The following STOX2 variants were observed in gnomAD, a reference collection of about 807,000 sequenced individuals.
STOX2 encodes storkhead box 2.
In STOX2, 28 loss-of-function variants were observed where a neutral mutation model predicts 60.9. The ratio of observed to expected loss-of-function variants is 0.46; its 90% CI spans 0.34 to 0.63. The LOEUF is 0.63. Ranked by LOEUF, STOX2 falls within the 30% of genes least tolerant of loss-of-function variation. STOX2 has a pLI of 0.01. For missense variants in STOX2, 1,024 were observed against 1,187.7 expected (o/e 0.86, Z 2.03); for synonymous variants, 472 against 463.9 (o/e 1.02, Z -0.22).
Position 184,010,427 on chromosome 4 carries a change from A to G in STOX2, c.1589A>G (p.Asp530Gly). Residue 530 changes from aspartate (D) to glycine (G), a missense_variant, in exon 3 of 4, where the codon GAC becomes GGC. Physicochemically the swap from Asp to Gly is moderately conservative, Grantham distance 94 (BLOSUM62 -1). Around this residue, in one of 3 missense-constraint regions of STOX2, gnomAD observed 922 missense variants for 1,058.3 expected, o/e 0.87. Coordinates refer to ENST00000308497, the MANE Select transcript of STOX2 (RefSeq NM_020225.3). This position sits in a 1 kb window ranked among gnomAD's most constrained non-coding sequence, Gnocchi z 4.5. ...ACCCCCAGCCAATCCTACATTGACG[A>G]CAGTACTTTAAGGCCTGCACAGACC... ...DQTPSQSYID[D>G]STLRPAQTVS... 3 of 1,613,892 alleles carry G rather than the reference A, an allele frequency of 1.9e-6. No homozygotes were observed. Among genetic ancestry groups the G allele is most frequent in the Non-Finnish European group, 2.5e-6 (3 of 1,179,856 alleles).
chr4:184,006,367 G>A (rs1213555922), intron 2 of STOX2, among the ~76,000 whole-genome samples: 1 of 152,062 alleles, frequency 6.6e-6, no homozygotes, highest in Non-Finnish European at 1.5e-5. Flanking sequence ...AATGACAGTG[G>A]GCATCATTCC....
At position 183,825,031 on chromosome 4, in the gene STOX2, C is replaced by T. The variant is rs146649052; in HGVS notation, c.364+26976C>T. 6.6e-6 allele frequency among the ~76,000 whole-genome samples: 1 copy of T among 152,312 alleles called. No individual in the cohort carries two copies. The highest frequency in any genetic ancestry group is 1.9e-4 in the East Asian group (1 of 5,184). ...CATGTCCCCTATCTCCTCACACAAT[C>T]TTGGGCTTGGGGATCGGGGAGGAAC... On this transcript the variant is annotated intron_variant, in intron 1 of 2. Transcript: ENST00000513034. The surrounding 1 kb of genome is among the most constrained non-coding windows in gnomAD (Gnocchi z 4.1).
At chr4:183,833,695 G>A (rs1376676193) in intron 1 of STOX2, among the ~76,000 whole-genome samples, 1 of 151,350 alleles carries the variant, frequency 6.6e-6, no homozygotes, top group African/African-American at 2.4e-5. Context: ...GAAAGAATGT[G>A]AGAAGGGCCG....
In STOX2 at chr4:183,983,934, G is replaced by A. The variant is rs116215175; in HGVS notation, c.167-17391G>A. ...GCTGGGATTACAGGCATGAGCCACC[G>A]TGCGCCATGTTCTGAATCTGACCTT... On this transcript the variant is annotated intron_variant, in intron 1 of 3. Coordinates refer to ENST00000308497, the MANE Select transcript of STOX2 (RefSeq NM_020225.3). Among the ~76,000 whole-genome samples, 460 of 152,142 alleles carry A rather than the reference G, an allele frequency of 3.0e-3. 2 individuals are homozygous for A. The highest frequency in any genetic ancestry group is 0.011 in the African/African-American group (441 of 41,516).
intron 1 of STOX2, among the ~76,000 whole-genome samples, chr4:183,873,593 C>T (rs953092797): frequency 1.3e-5 from 2 of 152,152 alleles, no homozygotes; most frequent in African/African-American, 2.4e-5. Context: ...TCCTGGAGCA[C>T]TGTGCTGGGG....
At chr4:183,918,506 G>A (rs1302893022) in intron 1 of STOX2, among the ~76,000 whole-genome samples, 1 of 152,246 alleles carries the variant, frequency 6.6e-6, no homozygotes, top group Non-Finnish European at 1.5e-5. Context: ...GAGTTCAGCT[G>A]CGTGTTTATG....
At chr4:183,837,263 A>G in intron 1 of STOX2, among the ~76,000 whole-genome samples, 1 of 152,198 alleles carries the variant, frequency 6.6e-6, no homozygotes, top group Non-Finnish European at 1.5e-5. Flanking sequence ...GTAACATTAA[A>G]TACATTCACA....
Position 183,982,498 on chromosome 4 carries a change from T to TA in STOX2, c.167-18820dup, listed in dbSNP as rs577748388. Among the ~76,000 whole-genome samples, 67 of 152,344 alleles carry TA rather than the reference T, an allele frequency of 4.4e-4. No homozygotes were observed. In the East Asian group the frequency reaches 0.013, roughly 28 times the overall value. On this transcript the variant is annotated intron_variant, in intron 1 of 3. Coordinates refer to ENST00000308497, the MANE Select transcript of STOX2 (RefSeq NM_020225.3). ...TGAGTTTTTAATTTGTGTCTTTTTT[T>TA]AAAAAAATCAATTTTATGCAACTAA...
intron 1 of STOX2, among the ~76,000 whole-genome samples, chr4:183,800,325 G>A (rs1218793105): frequency 2.6e-5 from 4 of 152,130 alleles, no homozygotes; most frequent in African/African-American, 7.2e-5. Flanking sequence ...CGGGGGGCCG[G>A]GGCGGTGATA....
At chr4:183,819,210 TTG>T (rs1190731243) in intron 1 of STOX2, among the ~76,000 whole-genome samples, 1 of 151,100 alleles carries the variant, frequency 6.6e-6, no homozygotes, top group Non-Finnish European at 1.5e-5. Context: ...GAGGTGGAGG[TTG>T]TAGAGAGCCG....
Position 183,949,131 on chromosome 4 carries a change from G to A in STOX2, c.166+42175G>A, listed in dbSNP as rs542664592. Reference sequence around the variant, plus strand: ...GAAATTGAAGCTATTGGTATAATAGGTGGGGAAAGCAGTGTTCACAACCAC... The same window carrying A: ...GAAATTGAAGCTATTGGTATAATAGATGGGGAAAGCAGTGTTCACAACCAC... On this transcript the variant is annotated intron_variant, in intron 1 of 3. Coordinates refer to ENST00000308497, the MANE Select transcript of STOX2 (RefSeq NM_020225.3). Among the ~76,000 whole-genome samples, 3 of 152,126 alleles carry A rather than the reference G, an allele frequency of 2.0e-5. No individual in the cohort carries two copies. In the Middle Eastern group the frequency reaches 0.01, roughly 517 times the overall value.
rs925278857 is a variant in STOX2, at chr4:183,814,288, A to G, written c.364+16233A>G. Among the ~76,000 whole-genome samples, 6 of 152,354 alleles carry G rather than the reference A, an allele frequency of 3.9e-5. No individual in the cohort carries two copies. The East Asian group carries it at 1.2e-3, about 29-fold the overall frequency. On this transcript the variant is annotated intron_variant, in intron 1 of 2. Transcript: ENST00000513034. ...TTAGAAACACATGGAATATTTCACAACAATACAAATTAGAACAGAATCTTA... is the reference window on the plus strand; with the variant it reads ...TTAGAAACACATGGAATATTTCACAGCAATACAAATTAGAACAGAATCTTA...
At chr4:183,960,454 A>G (rs1243651095) in intron 1 of STOX2, among the ~76,000 whole-genome samples, 1 of 152,206 alleles carries the variant, frequency 6.6e-6, no homozygotes, top group East Asian at 1.9e-4. Context: ...TATTATAGAT[A>G]ACTTAACACG....
chr4:184,006,271 G>A (rs10011577), intron 2 of STOX2, among the ~76,000 whole-genome samples: 106,078 of 151,980 alleles, frequency 0.7, 39,122 homozygotes, highest in Non-Finnish European at 0.83. Context: ...GAAAAAGTTT[G>A]TCACATTGTT....
At chr4:183,951,362 A>G (rs1408855641) in intron 1 of STOX2, among the ~76,000 whole-genome samples, 1 of 151,572 alleles carries the variant, frequency 6.6e-6, no homozygotes, top group African/African-American at 2.4e-5. Context: ...GAGCAAGACT[A>G]GAGAGAGGAA....
rs550491430 is a variant in STOX2, at chr4:183,856,934, G to C, written c.364+58879G>C. ...TCTGTGGCATCTGACTGAGGAGAGA[G>C]GACATGTGAAGAGGCAGGGAGGGAG... On this transcript the variant is annotated intron_variant, in intron 1 of 2. Transcript: ENST00000513034. This position sits in a 1 kb window ranked among gnomAD's most constrained non-coding sequence, Gnocchi z 4.0. Among the ~76,000 whole-genome samples the C allele has an allele frequency of 1.3e-5, 2 of 152,166 alleles. No homozygotes were observed. The highest frequency in any genetic ancestry group is 2.9e-5 in the Non-Finnish European group (2 of 68,032).
chr4:183,950,041 G>A (rs371941862), intron 1 of STOX2, among the ~76,000 whole-genome samples: 2 of 152,154 alleles, frequency 1.3e-5, no homozygotes, highest in African/African-American at 4.8e-5. Context: ...TCTCACTATT[G>A]TACAGCATTT....
rs557064910 is a variant in STOX2, at chr4:183,818,303, C to G, written c.364+20248C>G. On this transcript the variant is annotated intron_variant, in intron 1 of 2. Coordinates refer to the STOX2 transcript ENST00000513034. The stretch of plus-strand genomic sequence containing the variant: ...ATTAGGGAGTGGTGATGACTCTTAA[C>G]GAGCATGCTGCCTTCAAGCATCTGT... 4.7e-3 allele frequency among the ~76,000 whole-genome samples: 721 copies of G among 151,818 alleles called. 1 individual carries two copies. The highest frequency in any genetic ancestry group is 0.015 in the African/African-American group (627 of 41,222).
intron 1 of STOX2, among the ~76,000 whole-genome samples, chr4:183,998,962 G>A (rs1329083607): frequency 1.3e-5 from 2 of 152,096 alleles, no homozygotes; most frequent in Non-Finnish European, 2.9e-5. Flanking sequence ...TGAGGTAGGA[G>A]GATCTCTTGA....
Sources: allele counts gnomAD v4.1 joint callset (sites outside exome capture counted in the v4.1 genomes callset), GRCh38; gene constraint gnomAD v4.1.1; regional missense constraint gnomAD v4.1.1; non-coding constraint Gnocchi (gnomAD v3.1); transcripts MANE v1.5; gene names NCBI Gene and HGNC (gene_info 2026-07-23, HGNC 2026-07-21).